MRPL39: variants seen among roughly 807,000 people sequenced by gnomAD.
MRPL39 encodes the protein large ribosomal subunit protein mL39.
Under a neutral mutation model 44.5 loss-of-function variants are expected in MRPL39, and 35 were observed. The ratio of observed to expected loss-of-function variants is 0.79; its 90% CI spans 0.60 to 1.04. MRPL39 has a LOEUF of 1.04. MRPL39 is among the 50% of genes least tolerant of loss of function. The probability of loss-of-function intolerance (pLI) is 0.00; values close to 1 mark genes in which losing one functional copy is unlikely to be tolerated. For missense variants in MRPL39, 433 were observed against 413.5 expected (o/e 1.05, Z -0.41); for synonymous variants, 139 against 136.1 (o/e 1.02, Z -0.15).
chr21:25,603,798 T>C lies in MRPL39; in HGVS notation c.418A>G (p.Lys140Glu). 1 of 1,605,332 alleles carries C rather than the reference T, an allele frequency of 6.2e-7. No individual in the cohort carries two copies. Among genetic ancestry groups the C allele is most frequent in the Middle Eastern group, 1.7e-4 (1 of 6,038 alleles). The change falls in exon 3 of 10, where the codon AAG (lysine) becomes GAG (glutamate). Residue 140 changes from lysine (K) to glutamate (E), a missense_variant and splice_region_variant. Physicochemically the swap from Lys to Glu is moderately conservative, Grantham distance 56 (BLOSUM62 1). Transcript: ENST00000352957. ...AAAGAATGTAGAGATAGAAATACCT[T>C]ATTCACTTCTCCTGGATCACAATCT... ...FKDCDPGEVN[K>E]AYWRSCAMMM...
At chr21:25,606,405 C>T in intron 2 of MRPL39, 44 bp downstream of exon 2, 1 of 1,492,724 alleles carries the variant, frequency 6.7e-7, no homozygotes, top group Non-Finnish European at 9.1e-7. Flanking sequence ...TTCCACACAG[C>T]TTAAGTAAAA....
chr21:25,601,557 G>T, intron 3 of MRPL39, 90 bp from the exon 4 acceptor site: 1 of 815,702 alleles, frequency 1.2e-6, no homozygotes, highest in Non-Finnish European at 1.8e-6. Flanking sequence ...GTGAACTTCT[G>T]ACTTAGAAAA....
intron 6 of MRPL39, among the ~76,000 whole-genome samples, chr21:25,595,120 T>C (rs534861539): frequency 6.6e-6 from 1 of 152,312 alleles, no homozygotes; most frequent in East Asian, 1.9e-4. Flanking sequence ...ATTGAGAGCT[T>C]TGTCTGTTTA....
chr21:25,599,882 A>C lies in MRPL39; in HGVS notation c.521-16T>G. 6.2e-7 allele frequency: 1 copy of C among 1,605,738 alleles called. No homozygotes were observed. The highest frequency in any genetic ancestry group is 8.5e-7 in the Non-Finnish European group (1 of 1,173,290). ...CCAGAAATTACTGTAAATCCAACCAAAATAAAAAGCAAAGTCAAATCTGCC... is the reference window on the plus strand; with the variant it reads ...CCAGAAATTACTGTAAATCCAACCACAATAAAAAGCAAAGTCAAATCTGCC... On this transcript the variant is annotated splice_polypyrimidine_tract_variant and intron_variant, in intron 4 of 9. Coordinates refer to ENST00000352957, the MANE Select transcript of MRPL39 (RefSeq NM_017446.4).
Position 25,599,814 on chromosome 21 carries a change from CTCA to C in MRPL39, c.570_572del (p.Asp190del), listed in dbSNP as rs1568864603. 2.5e-6 allele frequency: 4 copies of C among 1,612,894 alleles called. No individual in the cohort carries two copies. Among genetic ancestry groups the C allele is most frequent in the South Asian group, 1.1e-5 (1 of 91,058 alleles). ...ATACACTTACTTTTGTTGGCATCCA[CTCA>C]TCAAGTTTGCTATCCAAAACTACGT... On this transcript the variant is annotated inframe_deletion, in exon 5 of 10. Transcript: ENST00000352957.
chr21:25,589,208 G>A (rs1304204103), intron 8 of MRPL39, among the ~76,000 whole-genome samples: 1 of 151,992 alleles, frequency 6.6e-6, no homozygotes, highest in Non-Finnish European at 1.5e-5. Flanking sequence ...CTTCTAATAG[G>A]AAGCAAAAAT....
intron 1 of MRPL39, among the ~76,000 whole-genome samples, chr21:25,607,049 T>C (rs912164109): frequency 2.0e-5 from 3 of 152,378 alleles, no homozygotes; most frequent in South Asian, 2.1e-4. Context: ...GCTGAGTTTA[T>C]ATCCCAAAGG....
In MRPL39 at chr21:25,592,858, C is replaced by T; in HGVS notation, c.875G>A (p.Ser292Asn). The T allele has an allele frequency of 6.2e-7, 1 of 1,612,978 alleles. No homozygotes were observed. Among genetic ancestry groups the T allele is most frequent in the Non-Finnish European group, 8.5e-7 (1 of 1,178,986 alleles). ...AVHNLQPTQPSLIRRFQGVSL... is the reference protein window; with the variant it reads ...AVHNLQPTQPNLIRRFQGVSL... Reference sequence around the variant, plus strand: ...CACGCCCTGGAATCTTCGTATGAGACTTGGCTGGGTGGGTTGAAGATTGTG... The same window carrying T: ...CACGCCCTGGAATCTTCGTATGAGATTTGGCTGGGTGGGTTGAAGATTGTG... The change falls in exon 8 of 10, where the codon AGT (serine) becomes AAT (asparagine). Residue 292 changes from serine (S) to asparagine (N), a missense_variant. Physicochemically the swap from Ser to Asn is conservative, Grantham distance 46. Coordinates refer to ENST00000352957, the MANE Select transcript of MRPL39 (RefSeq NM_017446.4).
chr21:25,606,111 A>C (rs1393770428), intron 2 of MRPL39, among the ~76,000 whole-genome samples: 1 of 152,074 alleles, frequency 6.6e-6, no homozygotes, highest in African/African-American at 2.4e-5. Context: ...TGGGAAGTCC[A>C]GGGACTTCTG....
intron 3 of MRPL39, among the ~76,000 whole-genome samples, chr21:25,601,726 C>T (rs1262205748): frequency 6.6e-6 from 1 of 152,096 alleles, no homozygotes; most frequent in Non-Finnish European, 1.5e-5. Flanking sequence ...GGTTATCAAC[C>T]CCGACAGATA....
At position 25,588,063 on chromosome 21, in the gene MRPL39, G is replaced by A. The variant is rs1259853926; in HGVS notation, c.969+772C>T. On this transcript the variant is annotated intron_variant, in intron 9 of 9. Coordinates refer to ENST00000352957, the MANE Select transcript of MRPL39 (RefSeq NM_017446.4). ...GCGGTGGCTCACGCCTGTAATCCCAGCACCTTGGGAGGCTGAGGGGGGTGG... is the reference window on the plus strand; with the variant it reads ...GCGGTGGCTCACGCCTGTAATCCCAACACCTTGGGAGGCTGAGGGGGGTGG... Among the ~76,000 whole-genome samples the A allele has an allele frequency of 3.3e-5, 5 of 152,262 alleles. No individual in the cohort carries two copies. In the East Asian group the frequency reaches 9.6e-4, roughly 29 times the overall value.
In MRPL39 at chr21:25,592,836, G is replaced by A. The variant is rs1135638; in HGVS notation, c.897C>T (p.Gly299=). 1,286,437 of 1,607,722 alleles carry A rather than the reference G, an allele frequency of 0.8. 517,001 individuals carry two copies. The highest frequency in any genetic ancestry group is 0.82 in the Non-Finnish European group (962,132 of 1,174,776). The change falls in exon 8 of 10, where the codon GGC becomes GGT. Residue 299 remains glycine, a synonymous_variant. Coordinates refer to ENST00000352957, the MANE Select transcript of MRPL39 (RefSeq NM_017446.4). ...TQPSLIRRFQ[G]VSLPVHLRAH... Reference sequence around the variant, plus strand: ...CTCTTAAGTGAACAGGTAAAGACACGCCCTGGAATCTTCGTATGAGACTTG... The same window carrying A: ...CTCTTAAGTGAACAGGTAAAGACACACCCTGGAATCTTCGTATGAGACTTG...
chr21:25,604,062 A>G, intron 2 of MRPL39, 127 bp from the exon 3 acceptor site: 2 of 887,180 alleles, frequency 2.3e-6, no homozygotes, highest in South Asian at 1.8e-5. Context: ...TTAGAGAAAA[A>G]AAGTATATTA....
At chr21:25,596,481 G>A (rs751549249) in intron 6 of MRPL39, among the ~76,000 whole-genome samples, 5 of 152,162 alleles carry the variant, frequency 3.3e-5, no homozygotes, top group Admixed American at 6.5e-5. Context: ...TCCTATAGAA[G>A]AATACTATAA....
At position 25,597,341 on chromosome 21, in the gene MRPL39, A is replaced by G. The variant is rs2031390033; in HGVS notation, c.662T>C (p.Val221Ala). 3 of 1,603,334 alleles carry G rather than the reference A, an allele frequency of 1.9e-6. No individual in the cohort carries two copies. The highest frequency in any genetic ancestry group is 2.6e-6 in the Non-Finnish European group (3 of 1,173,726). Residue 221 changes from valine to alanine, a missense_variant, in exon 6 of 10, where the codon GTT (valine) becomes GCT (alanine). Coordinates refer to ENST00000352957, the MANE Select transcript of MRPL39 (RefSeq NM_017446.4). ...TATTTCCAATGCCACTTTTGCTTCA[A>G]CTTCCAGAGTTTCAAATGGAAGATC... Reference protein sequence around the residue: ...YKDLPFETLEVEAKVALEIFQ... With the variant: ...YKDLPFETLEAEAKVALEIFQ...
intron 9 of MRPL39, among the ~76,000 whole-genome samples, chr21:25,588,200 T>C (rs1312281212): frequency 1.3e-5 from 2 of 151,836 alleles, no homozygotes; most frequent in Non-Finnish European, 2.9e-5. Context: ...TAGTCCCAGC[T>C]ACTTGGGAGG....
intron 9 of MRPL39, chr21:25,587,769 A>C (rs1350106037): frequency 6.2e-6 from 10 of 1,612,864 alleles, no homozygotes; most frequent in Non-Finnish European, 8.5e-6. Flanking sequence ...TAGTAAATAG[A>C]AGGAGAATGG....
chr21:25,602,753 G>A (rs540012086), intron 3 of MRPL39, among the ~76,000 whole-genome samples: 6 of 152,220 alleles, frequency 3.9e-5, no homozygotes, highest in Non-Finnish European at 8.8e-5. Context: ...TAATTGAATT[G>A]TAAAAGATAA....
chr21:25,592,802 C>G lies in MRPL39; in HGVS notation c.921+10G>C. 6.3e-7 allele frequency: 1 copy of G among 1,581,660 alleles called. No homozygotes were observed. The highest frequency in any genetic ancestry group is 1.7e-4 in the Middle Eastern group (1 of 5,950). On this transcript the variant is annotated intron_variant, in intron 8 of 9. Transcript: ENST00000352957. ...AAATTGGAAGACCTAGAACTTTAAG[C>G]TTTACTTACTCTTAAGTGAACAGGT...
Sources: allele counts gnomAD v4.1 joint callset (sites outside exome capture counted in the v4.1 genomes callset), GRCh38; gene constraint gnomAD v4.1.1; transcripts MANE v1.5; gene names NCBI Gene and HGNC (gene_info 2026-07-23, HGNC 2026-07-21).